The following HERC3 variants were observed in gnomAD, a reference collection of about 807,000 sequenced individuals.
HERC3 encodes the protein HECT and RLD domain containing E3 ubiquitin protein ligase 3.
Under a neutral mutation model 129.9 loss-of-function variants are expected in HERC3, and 58 were observed. The observed-to-expected ratio is 0.45, with a 90% CI of 0.36 to 0.56. The LOEUF (loss-of-function observed/expected upper bound fraction) is 0.56. Among genes scored for constraint, HERC3 ranks in the 20% least tolerant of loss-of-function variants. HERC3 has a pLI of 0.00. For missense variants in HERC3, 835 were observed against 1,244.2 expected, an observed-to-expected ratio of 0.67 and a Z score of 4.95; for synonymous variants, 430 against 451.0, an observed-to-expected ratio of 0.95 and a Z score of 0.59.
chr4:88,704,629 A>C lies in HERC3; in HGVS notation c.2944+19A>C. ...TTTCTCTGTAAGTATCAGTAATCTC[A>C]ATATGGTATTTGTCTACATTTTAGT... On this transcript the variant is annotated intron_variant, in intron 25 of 25. Coordinates refer to ENST00000402738, the MANE Select transcript of HERC3 (RefSeq NM_014606.3). 8.5e-6 allele frequency: 12 copies of C among 1,410,538 alleles called. No homozygotes were observed. The highest frequency in any genetic ancestry group is 1.2e-5 in the Non-Finnish European group (12 of 994,708). 87.4% of individuals were successfully genotyped at this position (1,410,538 alleles called of 1,614,324 possible).
intron 3 of HERC3, among the ~76,000 whole-genome samples, chr4:88,640,510 T>TG (rs1316215045): frequency 6.6e-6 from 1 of 152,000 alleles, no homozygotes; most frequent in Non-Finnish European, 1.5e-5. Flanking sequence ...CACTCATAAG[T>TG]GGGAGTTGAA....
Position 88,707,180 on chromosome 4 carries a change from G to A in HERC3, c.*220G>A. 1.8e-6 allele frequency: 1 copy of A among 549,498 alleles called. No individual in the cohort carries two copies. Among genetic ancestry groups the A allele is most frequent in the Non-Finnish European group, 3.2e-6 (1 of 308,112 alleles). The allele number at this position is 549,498 out of a possible 1,614,324, so 34.0% of individuals were successfully genotyped here. A position where few individuals can be genotyped will look rare whatever the true frequency, so the allele number is the denominator to read the frequency against. On this transcript the variant is annotated 3_prime_UTR_variant, in exon 26 of 26. Transcript: ENST00000402738. ...TGGGGTGAAAAATTGGCCCTTGTAT[G>A]GGAGGTGTTTTTGTTTTTGTTTTAA...
At chr4:88,682,162 T>G (rs545735582) in intron 21 of HERC3, among the ~76,000 whole-genome samples, 1 of 152,322 alleles carries the variant, frequency 6.6e-6, no homozygotes, top group African/African-American at 2.4e-5. Flanking sequence ...CATGAACATT[T>G]GTGCACAAGT....
chr4:88,602,539 G>A (rs181183863), intron 2 of HERC3, among the ~76,000 whole-genome samples: 1 of 152,078 alleles, frequency 6.6e-6, no homozygotes, highest in African/African-American at 2.4e-5. Flanking sequence ...GTGCAGCAGT[G>A]CGATCACAGC....
At chr4:88,674,917 T>C (rs972459962) in intron 16 of HERC3, among the ~76,000 whole-genome samples, 6 of 152,212 alleles carry the variant, frequency 3.9e-5, no homozygotes, top group African/African-American at 1.4e-4. Flanking sequence ...AAATTGCTTA[T>C]AAATGATTTT....
rs1043264519 is a variant in HERC3 at position 88,684,496 on chromosome 4, A to T, written c.2508-2240A>T. Among the ~76,000 whole-genome samples, 6 of 151,946 alleles carry T rather than the reference A, an allele frequency of 3.9e-5. No homozygotes were observed. In the East Asian group the frequency reaches 9.7e-4, roughly 25 times the overall value. ...ATGGATTAAAGACTTAAATGTAAAA[A>T]CCCAAAACCCTAGAAGAAAAACCCT... On this transcript the variant is annotated intron_variant, in intron 21 of 25. Coordinates refer to ENST00000402738, the MANE Select transcript of HERC3 (RefSeq NM_014606.3).
intron 25 of HERC3, among the ~76,000 whole-genome samples, chr4:88,705,072 A>G (rs1241754855): frequency 1.3e-5 from 2 of 152,080 alleles, no homozygotes; most frequent in East Asian, 3.9e-4. Flanking sequence ...TGTTGCCCAG[A>G]CTGGTCCTCG....
At chr4:88,557,322 T>C in the HERC3 span, among the ~76,000 whole-genome samples, 1 of 152,208 alleles carries the variant, frequency 6.6e-6, no homozygotes, top group Non-Finnish European at 1.5e-5. Flanking sequence ...GCCTGCCTCA[T>C]AGCATGGACT....
At position 88,669,845 on chromosome 4, in the gene HERC3, T is replaced by G; in HGVS notation, c.1634-15T>G. On this transcript the variant is annotated splice_polypyrimidine_tract_variant and intron_variant, in intron 14 of 25. Coordinates refer to ENST00000402738, the MANE Select transcript of HERC3 (RefSeq NM_014606.3). ...AGATTACATGTTGAAATATGTCTTT[T>G]CTTTCTTTCTAAAGATAACTGGTGG... is the stretch of plus-strand genomic sequence containing the variant. 2 of 1,605,404 alleles carry G rather than the reference T, an allele frequency of 1.2e-6. No individual in the cohort carries two copies. Among genetic ancestry groups the G allele is most frequent in the Non-Finnish European group, 1.7e-6 (2 of 1,174,082 alleles).
intron 3 of HERC3, among the ~76,000 whole-genome samples, chr4:88,639,037 A>G (rs1453709429): frequency 6.6e-6 from 1 of 152,200 alleles, no homozygotes; most frequent in East Asian, 1.9e-4. Flanking sequence ...CTAACAAGGG[A>G]CATAAAGGAC....
chr4:88,706,383 A>G (rs533738438), intron 25 of HERC3, among the ~76,000 whole-genome samples: 196 of 152,276 alleles, frequency 1.3e-3, no homozygotes, highest in African/African-American at 4.6e-3. Context: ...TAGATCCTAA[A>G]TGGAATTCCG....
intron 10 of HERC3, among the ~76,000 whole-genome samples, chr4:88,658,992 A>G (rs1171798455): frequency 3.9e-5 from 6 of 152,200 alleles, no homozygotes. Context: ...CTCCTGCATC[A>G]CTATAGTGGA....
chr4:88,701,419 A>G (rs1270442940), intron 23 of HERC3, among the ~76,000 whole-genome samples: 2 of 152,210 alleles, frequency 1.3e-5, no homozygotes, highest in African/African-American at 2.4e-5. Flanking sequence ...TGTAAAAACT[A>G]TCTGCTTGGA....
intron 16 of HERC3, among the ~76,000 whole-genome samples, chr4:88,671,540 T>C (rs1015726350): frequency 1.3e-5 from 2 of 152,194 alleles, no homozygotes; most frequent in African/African-American, 2.4e-5. Flanking sequence ...TACTTTTTTT[T>C]TGAGACAAGG....
At chr4:88,619,118 G>T (rs970604809) in intron 3 of HERC3, among the ~76,000 whole-genome samples, 1 of 152,178 alleles carries the variant, frequency 6.6e-6, no homozygotes, top group Non-Finnish European at 1.5e-5. Context: ...TCCTGTGGCT[G>T]GTCATCCTGG....
the HERC3 span, among the ~76,000 whole-genome samples, chr4:88,575,631 A>T: frequency 6.6e-6 from 1 of 152,376 alleles, no homozygotes; most frequent in East Asian, 1.9e-4. Flanking sequence ...TACATTAGAC[A>T]TTCAGTAAAA....
At chr4:88,548,664 CTT>C in the HERC3 span, among the ~76,000 whole-genome samples, 15 of 139,730 alleles carry the variant, frequency 1.1e-4, no homozygotes, top group Admixed American at 1.4e-4. Context: ...GTCATCTTTT[CTT>C]TTTTTTTTTT....
In HERC3 at chr4:88,708,356, A is replaced by G. The variant is rs997155125; in HGVS notation, c.*1396A>G. On this transcript the variant is annotated 3_prime_UTR_variant, in exon 26 of 26. Coordinates refer to ENST00000402738, the MANE Select transcript of HERC3 (RefSeq NM_014606.3). ...GTGATAAAGCATCAAATCTTGATGA[A>G]GGATTGTAGATTTTTGCTTTTTCTT... is the stretch of plus-strand genomic sequence containing the variant. 9 of 152,576 alleles carry G rather than the reference A, an allele frequency of 5.9e-5. No individual in the cohort carries two copies. Among genetic ancestry groups the G allele is most frequent in the Admixed American group, 5.2e-4 (8 of 15,282 alleles). 9.5% of individuals were successfully genotyped at this position (152,576 alleles called of 1,614,324 possible).
chr4:88,543,670 C>T, the HERC3 span, among the ~76,000 whole-genome samples: 3 of 152,188 alleles, frequency 2.0e-5, no homozygotes, highest in African/African-American at 7.2e-5. Flanking sequence ...CATCACACTA[C>T]CTGACTTCAA....
Sources: gnomAD v4.1 joint callset for allele counts (sites outside exome capture counted in the v4.1 genomes callset) on GRCh38, gnomAD v4.1.1 for gene constraint, MANE v1.5 for transcripts, NCBI Gene and HGNC (gene_info 2026-07-23, HGNC 2026-07-21) for gene names.